PPFIA1: variants seen among roughly 807,000 people sequenced by gnomAD.
The protein encoded by PPFIA1 is liprin-alpha-1.
In PPFIA1, 25 loss-of-function variants were observed where a neutral mutation model predicts 149.9. The observed-to-expected ratio is 0.17, with a 90% CI of 0.12 to 0.23. The LOEUF is 0.23. Ranked by LOEUF, PPFIA1 falls within the 10% of genes least tolerant of loss-of-function variation. The pLI, the probability that PPFIA1 is intolerant of heterozygous loss-of-function variation, is 1.00. For missense variants in PPFIA1, 1,362 were observed against 1,506.5 expected, an observed-to-expected ratio of 0.90 and a Z score of 1.59; for synonymous variants, 549 against 552.8, an observed-to-expected ratio of 0.99 and a Z score of 0.10.
At chr11:70,336,015 A>T (rs1214161810) in intron 11 of PPFIA1, among the ~76,000 whole-genome samples, 1 of 152,198 alleles carries the variant, frequency 6.6e-6, no homozygotes, top group Non-Finnish European at 1.5e-5. Context: ...AAATAATTTT[A>T]TGCCAATCAA....
intron 2 of PPFIA1, among the ~76,000 whole-genome samples, chr11:70,306,506 T>C (rs12292240): frequency 0.22 from 33,277 of 152,046 alleles, 5,553 homozygotes; most frequent in African/African-American, 0.46. Flanking sequence ...ATCAATACAA[T>C]GCCTCAATTG....
At chr11:70,282,179 A>G (rs147959065) in intron 2 of PPFIA1, among the ~76,000 whole-genome samples, 1,882 of 152,278 alleles carry the variant, frequency 0.012, 24 homozygotes, top group Non-Finnish European at 0.019. Flanking sequence ...TTGGCCTCCA[A>G]TTCCCGTCTT....
At chr11:70,298,126 G>C (rs1049555277) in intron 2 of PPFIA1, among the ~76,000 whole-genome samples, 3 of 152,200 alleles carry the variant, frequency 2.0e-5, no homozygotes, top group African/African-American at 7.2e-5. Context: ...ATCCAAATCA[G>C]ATGTTTGGGT....
At chr11:70,293,113 A>C (rs751751171) in intron 2 of PPFIA1, among the ~76,000 whole-genome samples, 9 of 152,236 alleles carry the variant, frequency 5.9e-5, no homozygotes, top group Non-Finnish European at 1.2e-4. Flanking sequence ...CACAGTAGAC[A>C]CACACACAGT....
chr11:70,272,306 A>G lies in PPFIA1; in HGVS notation c.134A>G (p.Glu45Gly). 4.3e-6 allele frequency: 7 copies of G among 1,614,194 alleles called. No individual in the cohort carries two copies. Among genetic ancestry groups the G allele is most frequent in the Non-Finnish European group, 5.9e-6 (7 of 1,180,042 alleles). Residue 45 changes from glutamate (E) to glycine (G), a missense_variant, in exon 2 of 28, where the codon GAA (glutamate) becomes GGA (glycine). Glu to Gly is a moderately conservative substitution (Grantham distance 98, BLOSUM62 -2). This residue lies in a region of PPFIA1 where 100 missense variants were observed against 106.2 expected (regional missense o/e 0.94). Coordinates refer to ENST00000253925, the MANE Select transcript of PPFIA1 (RefSeq NM_003626.5). ...HFEQLMVSML[E>G]ERDRLLDTLR... ...GAACAGTTGATGGTCTCCATGCTAG[A>G]AGAAAGGGACCGCCTTCTTGATACA...
chr11:70,341,537 G>C (rs1565419295), intron 14 of PPFIA1, among the ~76,000 whole-genome samples: 1 of 152,160 alleles, frequency 6.6e-6, no homozygotes, highest in African/African-American at 2.4e-5. Flanking sequence ...AGGTTGATGG[G>C]ACTGTCAGCT....
chr11:70,321,963 G>A (rs2053968920), intron 2 of PPFIA1, among the ~76,000 whole-genome samples: 1 of 152,168 alleles, frequency 6.6e-6, no homozygotes, highest in Non-Finnish European at 1.5e-5. Context: ...TCCACCTCCC[G>A]GGTTCAAGCG....
chr11:70,330,879 T>C (rs140431669), intron 8 of PPFIA1, among the ~76,000 whole-genome samples: 6 of 152,168 alleles, frequency 3.9e-5, no homozygotes, highest in Admixed American at 6.5e-5. Context: ...CAAGGCTTCA[T>C]TGTGCTATGA....
intron 2 of PPFIA1, among the ~76,000 whole-genome samples, chr11:70,295,502 G>A (rs1276236156): frequency 1.6e-5 from 2 of 121,558 alleles, no homozygotes; most frequent in African/African-American, 3.2e-5. Context: ...CTGGCCGGGT[G>A]GGGGGGCTGA....
At chr11:70,302,490 T>C (rs982385606) in intron 2 of PPFIA1, among the ~76,000 whole-genome samples, 2 of 152,166 alleles carry the variant, frequency 1.3e-5, no homozygotes, top group African/African-American at 4.8e-5. Flanking sequence ...AACAGAGCTG[T>C]GAGCTGGAGA....
At chr11:70,313,113 G>A (rs910268696) in intron 2 of PPFIA1, among the ~76,000 whole-genome samples, 3 of 152,186 alleles carry the variant, frequency 2.0e-5, no homozygotes, top group Admixed American at 6.5e-5. Context: ...TGCTGTGACC[G>A]ATGTGCTGTG....
In PPFIA1 at chr11:70,272,819, C is replaced by T. The variant is rs551130949; in HGVS notation, c.264+383C>T. Among the ~76,000 whole-genome samples the T allele has an allele frequency of 5.3e-5, 8 of 152,222 alleles. No homozygotes were observed. The South Asian group carries it at 1.7e-3, about 32-fold the overall frequency. On this transcript the variant is annotated intron_variant, in intron 2 of 27. Transcript: ENST00000253925. Reference sequence around the variant, plus strand: ...GGATTATCTCATGTATTTCTAATTTCCTAATGTAATTTAATAGACAAATAG... The same window carrying T: ...GGATTATCTCATGTATTTCTAATTTTCTAATGTAATTTAATAGACAAATAG...
chr11:70,307,469 A>G (rs1002838079), intron 2 of PPFIA1, among the ~76,000 whole-genome samples: 3 of 152,236 alleles, frequency 2.0e-5, no homozygotes, highest in African/African-American at 7.2e-5. Flanking sequence ...TCATATATGC[A>G]TTAAAAAATC....
At chr11:70,365,256 A>C in intron 21 of PPFIA1, 1 of 371,808 alleles carries the variant, frequency 2.7e-6, no homozygotes, top group South Asian at 2.0e-5. Context: ...AAGTGAGAAG[A>C]GCGAACTTTG....
chr11:70,315,898 C>A (rs2053593523), intron 2 of PPFIA1, among the ~76,000 whole-genome samples: 1 of 151,968 alleles, frequency 6.6e-6, no homozygotes, highest in South Asian at 2.1e-4. Flanking sequence ...CCAGCGTTGT[C>A]CAGACACCTA....
At chr11:70,360,916 C>T (rs139407446) in intron 19 of PPFIA1, among the ~76,000 whole-genome samples, 1 of 152,352 alleles carries the variant, frequency 6.6e-6, no homozygotes, top group Non-Finnish European at 1.5e-5. Flanking sequence ...ATTACAATGA[C>T]ACCTTCTCTC....
At chr11:70,279,109 C>T (rs1231610117) in intron 2 of PPFIA1, 5 of 538,722 alleles carry the variant, frequency 9.3e-6, no homozygotes, top group Admixed American at 5.2e-5. Context: ...AGTACCTCTG[C>T]GGTGAGGTAC....
At chr11:70,371,366 GGGTAGAGTGTTCTATATTCTGTTGTTT>G (rs2135370170) in intron 21 of PPFIA1, 3 of 29,820 alleles carry the variant, frequency 1.0e-4, no homozygotes, top group Non-Finnish European at 2.4e-4. Context: ...TTCTGTTGTT[GGGTAGAGTGTTCTATATTCTGTTGTTT>G]GGTGGATTGT....
intron 1 of PPFIA1, among the ~76,000 whole-genome samples, chr11:70,271,558 A>G (rs2050094223): frequency 1.3e-5 from 2 of 151,762 alleles, no homozygotes; most frequent in African/African-American, 2.4e-5. Flanking sequence ...AGTTAGGTTG[A>G]CCAACCGTTG....
Sources: allele counts gnomAD v4.1 joint callset (sites outside exome capture counted in the v4.1 genomes callset), GRCh38; gene constraint gnomAD v4.1.1; regional missense constraint gnomAD v4.1.1; transcripts MANE v1.5; gene names NCBI Gene and HGNC (gene_info 2026-07-23, HGNC 2026-07-21).